DACH1: variants seen among roughly 807,000 people sequenced by gnomAD.
DACH1 encodes dachshund family transcription factor 1, also known as dachshund homolog 1.
In DACH1, 12 loss-of-function variants were observed where a neutral mutation model predicts 54.2. The observed-to-expected ratio is 0.22, with a 90% CI of 0.14 to 0.36. The LOEUF (loss-of-function observed/expected upper bound fraction) is 0.36, where lower values mean the gene tolerates loss of function less well. Among genes scored for constraint, DACH1 ranks in the 10% least tolerant of loss-of-function variants. The probability of loss-of-function intolerance (pLI) is 1.00; values close to 1 mark genes in which losing one functional copy is unlikely to be tolerated. For synonymous variants in DACH1, 386 were observed against 366.2 expected (o/e 1.05, Z -0.62); for missense variants, 805 against 929.8 (o/e 0.87, Z 1.75).
At chr13:71,451,013 T>C (rs1229745165) in intron 10 of DACH1, among the ~76,000 whole-genome samples, 4 of 152,118 alleles carry the variant, frequency 2.6e-5, no homozygotes, top group Non-Finnish European at 1.5e-5. Flanking sequence ...TGTATTACCA[T>C]AACAACAACC....
chr13:71,686,968 A>T (rs1001851001), intron 1 of DACH1, among the ~76,000 whole-genome samples: 1 of 152,190 alleles, frequency 6.6e-6, no homozygotes, highest in African/African-American at 2.4e-5. Flanking sequence ...GGACAATAAA[A>T]TTAAATAATC....
chr13:71,529,502 G>A (rs929120160), intron 6 of DACH1, among the ~76,000 whole-genome samples: 2 of 151,974 alleles, frequency 1.3e-5, no homozygotes, highest in Non-Finnish European at 2.9e-5. Context: ...GTTTTTATTG[G>A]TCTATATTTA....
chr13:71,591,564 C>T lies in DACH1; in HGVS notation c.1127-18552G>A, dbSNP rs74096965. On this transcript the variant is annotated intron_variant, in intron 3 of 10. Transcript: ENST00000613252. Reference sequence around the variant, plus strand: ...AGATTTTGACATCCACTTCTGCATTCACCCTGTTGTGATGAAATGAGTCAT... The same window carrying T: ...AGATTTTGACATCCACTTCTGCATTTACCCTGTTGTGATGAAATGAGTCAT... Among the ~76,000 whole-genome samples the T allele has an allele frequency of 7.6e-3, 1,158 of 152,252 alleles. 14 individuals carry two copies. Among genetic ancestry groups the T allele is most frequent in the African/African-American group, 0.026 (1,076 of 41,534 alleles).
At chr13:71,578,252 A>G (rs147973047) in intron 3 of DACH1, among the ~76,000 whole-genome samples, 176 of 152,308 alleles carry the variant, frequency 1.2e-3, no homozygotes, top group Middle Eastern at 6.8e-3. Flanking sequence ...GGAACCTGAC[A>G]TTGTCAAGAT....
chr13:71,821,291 T>C (rs1279549913), intron 1 of DACH1, among the ~76,000 whole-genome samples: 1 of 152,172 alleles, frequency 6.6e-6, no homozygotes, highest in Non-Finnish European at 1.5e-5. Flanking sequence ...CTTCCACCCA[T>C]GATCCAACTA....
At chr13:71,676,507 G>A (rs1007757253) in intron 2 of DACH1, among the ~76,000 whole-genome samples, 9 of 152,148 alleles carry the variant, frequency 5.9e-5, no homozygotes, top group Non-Finnish European at 1.2e-4. Context: ...CATGAGCCAC[G>A]TGCCCAGCCT....
intron 10 of DACH1, among the ~76,000 whole-genome samples, chr13:71,453,471 T>C (rs546857358): frequency 2.6e-5 from 4 of 152,200 alleles, no homozygotes; most frequent in African/African-American, 7.2e-5. Flanking sequence ...TGTGAATAAA[T>C]TGAGATGTCA....
intron 6 of DACH1, among the ~76,000 whole-genome samples, chr13:71,534,555 A>G (rs1882630642): frequency 6.6e-6 from 1 of 151,836 alleles, no homozygotes; most frequent in African/African-American, 2.4e-5. Flanking sequence ...AAGAGTAGAC[A>G]ATGTTTTGAT....
rs142857133 is a variant in DACH1, at chr13:71,584,536, T to C, written c.1127-11524A>G. ...TTTAAATATATTTATCCATTTTAAA[T>C]CTAATTAACTCACAAAAGTATTAAG... On this transcript the variant is annotated intron_variant, in intron 3 of 10. Coordinates refer to ENST00000613252, the MANE Select transcript of DACH1 (RefSeq NM_080759.6). Among the ~76,000 whole-genome samples the C allele has an allele frequency of 4.4e-3, 664 of 152,276 alleles. 1 individual carries two copies. Among genetic ancestry groups the C allele is most frequent in the Non-Finnish European group, 7.9e-3 (537 of 67,998 alleles).
At chr13:71,559,627 G>A (rs1884461332) in intron 5 of DACH1, among the ~76,000 whole-genome samples, 193 bp downstream of exon 5, 1 of 152,062 alleles carries the variant, frequency 6.6e-6, no homozygotes, top group Admixed American at 6.5e-5. Context: ...ATTTATATCA[G>A]GACCTGTTAA....
chr13:71,735,514 T>C lies in DACH1; in HGVS notation c.849-53604A>G, dbSNP rs61958969. On this transcript the variant is annotated intron_variant, in intron 1 of 10. Transcript: ENST00000613252. Reference sequence around the variant, plus strand: ...GATATACACGTATACGGGATATACGTGTATATGGGATATACACGTATATGG... The same window carrying C: ...GATATACACGTATACGGGATATACGCGTATATGGGATATACACGTATATGG... 4.8e-3 allele frequency among the ~76,000 whole-genome samples: 103 copies of C among 21,620 alleles called. 37 individuals carry two copies. The Non-Finnish European group carries it at 0.063, about 13-fold the overall frequency. The allele number at this position is 21,620 out of a possible 152,430, so 14.2% of individuals were successfully genotyped here.
chr13:71,604,274 T>C (rs1166929834), intron 3 of DACH1, among the ~76,000 whole-genome samples: 1 of 152,006 alleles, frequency 6.6e-6, no homozygotes, highest in Non-Finnish European at 1.5e-5. Flanking sequence ...ACATATTTAC[T>C]ATAAAAATAC....
At chr13:71,643,894 A>T (rs1878087339) in intron 2 of DACH1, among the ~76,000 whole-genome samples, 1 of 152,170 alleles carries the variant, frequency 6.6e-6, no homozygotes, top group African/African-American at 2.4e-5. Context: ...CGATCTCTTA[A>T]CCAAAAATAT....
chr13:71,641,265 A>G (rs1877878105), intron 2 of DACH1, among the ~76,000 whole-genome samples: 1 of 152,126 alleles, frequency 6.6e-6, no homozygotes. Context: ...ATACATATAT[A>G]TACACACACA....
At chr13:71,550,346 G>A (rs1410088226) in intron 6 of DACH1, among the ~76,000 whole-genome samples, 3 of 152,030 alleles carry the variant, frequency 2.0e-5, no homozygotes, top group Non-Finnish European at 2.9e-5. Context: ...ATACAAAGAA[G>A]GTGAGAAGAC....
chr13:71,513,713 C>G (rs145451032), intron 6 of DACH1, among the ~76,000 whole-genome samples: 183 of 152,094 alleles, frequency 1.2e-3, no homozygotes, highest in African/African-American at 4.1e-3. Context: ...GATCCATTTT[C>G]AAGGGTTTTG....
intron 6 of DACH1, among the ~76,000 whole-genome samples, chr13:71,491,519 C>T (rs113981244): frequency 0.029 from 4,393 of 152,226 alleles, 106 homozygotes; most frequent in South Asian, 0.051. Flanking sequence ...TGGATTCCTT[C>T]ATTTATCATC....
chr13:71,642,392 C>T (rs1877973234), intron 2 of DACH1, among the ~76,000 whole-genome samples: 1 of 152,196 alleles, frequency 6.6e-6, no homozygotes, highest in Non-Finnish European at 1.5e-5. Flanking sequence ...ATGTATACAT[C>T]TCTCTACTTC....
intron 1 of DACH1, among the ~76,000 whole-genome samples, chr13:71,806,608 T>C (rs961240850): frequency 6.6e-6 from 1 of 152,224 alleles, no homozygotes; most frequent in African/African-American, 2.4e-5. Context: ...CTTGTTAATG[T>C]CATTCTAATC....
Sources: allele counts gnomAD v4.1 joint callset (sites outside exome capture counted in the v4.1 genomes callset), GRCh38; gene constraint gnomAD v4.1.1; transcripts MANE v1.5; gene names NCBI Gene and HGNC (gene_info 2026-07-23, HGNC 2026-07-21).